The following SGCZ variants were observed in gnomAD, a reference collection of about 807,000 sequenced individuals.
The protein encoded by SGCZ is zeta-sarcoglycan.
Under a neutral mutation model 41.3 loss-of-function variants are expected in SGCZ, and 40 were observed. That is an observed-to-expected ratio of 0.97 (90% CI 0.75 to 1.26). The LOEUF is 1.26. Among genes scored for constraint, SGCZ ranks in the 50% most tolerant of loss-of-function variants. The pLI is 0.00. For synonymous variants in SGCZ, 206 were observed against 137.5 expected, an observed-to-expected ratio of 1.50 and a Z score of -3.49; for missense variants, 552 against 369.8, an observed-to-expected ratio of 1.49 and a Z score of -4.04.
intron 1 of SGCZ, among the ~76,000 whole-genome samples, chr8:15,067,911 A>T (rs1303942493): frequency 6.6e-6 from 1 of 152,164 alleles, no homozygotes; most frequent in Non-Finnish European, 1.5e-5. Flanking sequence ...AGGTAATGGG[A>T]AGAATAAAAA....
intron 1 of SGCZ, among the ~76,000 whole-genome samples, chr8:14,840,921 C>A (rs1448582206): frequency 6.6e-6 from 1 of 151,990 alleles, no homozygotes; most frequent in Non-Finnish European, 1.5e-5. Flanking sequence ...TATTTTGGGA[C>A]TCTACTATAG....
chr8:14,605,403 C>T lies in SGCZ; in HGVS notation c.40-50477G>A, dbSNP rs117043400. Reference sequence around the variant, plus strand: ...TCTCAAGCATTTATCCTTTGTGTTACCAACAATCGAATTACACTCTTTTAG... The same window carrying T: ...TCTCAAGCATTTATCCTTTGTGTTATCAACAATCGAATTACACTCTTTTAG... On this transcript the variant is annotated intron_variant, in intron 1 of 7. Coordinates refer to ENST00000382080, the MANE Select transcript of SGCZ (RefSeq NM_139167.4). 4.6e-3 allele frequency among the ~76,000 whole-genome samples: 695 copies of T among 152,094 alleles called. 2 individuals are homozygous for T. The highest frequency in any genetic ancestry group is 8.0e-3 in the Non-Finnish European group (546 of 67,984).
intron 1 of SGCZ, among the ~76,000 whole-genome samples, chr8:14,714,116 C>T (rs1809611718): frequency 6.6e-6 from 1 of 151,960 alleles, no homozygotes; most frequent in Non-Finnish European, 1.5e-5. Context: ...TACAGGTGCC[C>T]ACCACCACGC....
chr8:14,920,590 A>G (rs1039002606), intron 1 of SGCZ, among the ~76,000 whole-genome samples: 1 of 152,180 alleles, frequency 6.6e-6, no homozygotes, highest in African/African-American at 2.4e-5. Flanking sequence ...AAAAGATAAG[A>G]TGGTAACAGA....
intron 1 of SGCZ, among the ~76,000 whole-genome samples, chr8:15,192,936 T>A (rs1800588534): frequency 6.6e-6 from 1 of 152,080 alleles, no homozygotes. Context: ...AAGACAGAGA[T>A]TCATACCAAA....
intron 2 of SGCZ, among the ~76,000 whole-genome samples, chr8:14,474,049 G>C (rs58894232): frequency 0.04 from 6,013 of 152,140 alleles, 320 homozygotes; most frequent in African/African-American, 0.12. Context: ...GACAAGATTG[G>C]GGAAAGTTAT....
At chr8:14,684,567 C>T (rs1199973224) in intron 1 of SGCZ, among the ~76,000 whole-genome samples, 1 of 152,004 alleles carries the variant, frequency 6.6e-6, no homozygotes. Context: ...CATGTTGTAG[C>T]AGATTAAAAA....
chr8:14,255,045 G>C (rs1799411904), intron 3 of SGCZ, among the ~76,000 whole-genome samples: 2 of 152,108 alleles, frequency 1.3e-5, no homozygotes, highest in Admixed American at 1.3e-4. Context: ...ATGGAGGTGG[G>C]TGGATGTCCT....
chr8:14,734,643 A>C (rs553036610), intron 1 of SGCZ, among the ~76,000 whole-genome samples: 35 of 152,286 alleles, frequency 2.3e-4, no homozygotes, highest in African/African-American at 7.9e-4. Flanking sequence ...ATGTGAAATA[A>C]AGAGACAATT....
At chr8:14,801,942 T>A (rs1031602450) in intron 1 of SGCZ, among the ~76,000 whole-genome samples, 2 of 152,160 alleles carry the variant, frequency 1.3e-5, no homozygotes, top group East Asian at 3.9e-4. Flanking sequence ...TGGAAAGCAG[T>A]CCAAATATGA....
chr8:14,977,564 G>A (rs1457539152), intron 1 of SGCZ, among the ~76,000 whole-genome samples: 2 of 152,012 alleles, frequency 1.3e-5, no homozygotes, highest in Non-Finnish European at 2.9e-5. Flanking sequence ...GTATTTTACA[G>A]GCCAATCACC....
At chr8:14,238,522 G>A (rs1563204339) in intron 3 of SGCZ, among the ~76,000 whole-genome samples, 1 of 152,090 alleles carries the variant, frequency 6.6e-6, no homozygotes, top group South Asian at 2.1e-4. Flanking sequence ...ACTTTTATTA[G>A]TAATTTAGCA....
chr8:14,926,085 G>A (rs1313580894), intron 1 of SGCZ, among the ~76,000 whole-genome samples: 1 of 152,184 alleles, frequency 6.6e-6, no homozygotes. Context: ...CAGGATTAAT[G>A]TATAGGACAA....
intron 1 of SGCZ, among the ~76,000 whole-genome samples, chr8:14,742,702 C>T (rs1799230065): frequency 6.6e-6 from 1 of 151,976 alleles, no homozygotes; most frequent in African/African-American, 2.4e-5. Flanking sequence ...AGGGAAGATG[C>T]TCATTGATAC....
intron 1 of SGCZ, among the ~76,000 whole-genome samples, chr8:15,141,673 G>GCGGGAGGATCACGAGGT (rs1467710032): frequency 6.6e-6 from 1 of 152,182 alleles, no homozygotes; most frequent in African/African-American, 2.4e-5. Flanking sequence ...GGAGGCCAAG[G>GCGGGAGGATCACGAGGT]CGGGAGGATC....
At chr8:15,221,015 G>T (rs116673153) in intron 1 of SGCZ, among the ~76,000 whole-genome samples, 1 of 152,022 alleles carries the variant, frequency 6.6e-6, no homozygotes, top group Admixed American at 6.6e-5. Flanking sequence ...GCCGGTCGTC[G>T]GGTAGGGTAT....
intron 1 of SGCZ, among the ~76,000 whole-genome samples, chr8:14,762,308 T>G (rs1441944): frequency 0.39 from 59,783 of 151,934 alleles, 12,700 homozygotes; most frequent in East Asian, 0.51. Context: ...TACAGAGTAG[T>G]CCATTACAAA....
intron 1 of SGCZ, among the ~76,000 whole-genome samples, chr8:15,044,804 G>A (rs73665374): frequency 1.3e-5 from 2 of 152,012 alleles, no homozygotes; most frequent in South Asian, 2.1e-4. Flanking sequence ...CCTACCAAGA[G>A]CACAGCTTGA....
At chr8:15,026,734 T>C (rs1408085724) in intron 1 of SGCZ, among the ~76,000 whole-genome samples, 2 of 152,170 alleles carry the variant, frequency 1.3e-5, no homozygotes, top group Non-Finnish European at 2.9e-5. Context: ...CAACCCAGAA[T>C]TGTGCAAATA....
Sources: allele counts gnomAD v4.1 joint callset (sites outside exome capture counted in the v4.1 genomes callset), GRCh38; gene constraint gnomAD v4.1.1; transcripts MANE v1.5; gene names NCBI Gene and HGNC (gene_info 2026-07-23, HGNC 2026-07-21).